Variants in TCF12 observed in about 807,000 individuals in gnomAD.
TCF12 encodes DNA-binding protein HTF4.
A neutral mutation model predicts 86.0 loss-of-function variants in TCF12; 45 were observed. That is an observed-to-expected ratio of 0.52 (90% CI 0.41 to 0.67). The LOEUF (loss-of-function observed/expected upper bound fraction) is 0.67. Ranked by LOEUF, TCF12 falls within the 30% of genes least tolerant of loss-of-function variation. The pLI is 0.00. For missense variants in TCF12, 881 were observed against 859.9 expected, an observed-to-expected ratio of 1.02 and a Z score of -0.31; for synonymous variants, 330 against 299.6, an observed-to-expected ratio of 1.10 and a Z score of -1.05.
At chr15:57,069,267 A>G (rs1229794303) in intron 4 of TCF12, among the ~76,000 whole-genome samples, 1 of 152,212 alleles carries the variant, frequency 6.6e-6, no homozygotes, top group Admixed American at 6.5e-5. Flanking sequence ...AATTACATTT[A>G]TAGGCATCAT....
intron 18 of TCF12, among the ~76,000 whole-genome samples, chr15:57,268,254 G>A (rs1447260926): frequency 6.6e-6 from 1 of 152,188 alleles, no homozygotes; most frequent in Non-Finnish European, 1.5e-5. Flanking sequence ...TTTTTCAAGT[G>A]CTCTTGGAGA....
At chr15:57,084,009 C>T (rs1212511139) in intron 4 of TCF12, among the ~76,000 whole-genome samples, 1 of 151,950 alleles carries the variant, frequency 6.6e-6, no homozygotes, top group Non-Finnish European at 1.5e-5. Flanking sequence ...AATATGTTAT[C>T]CTCTGAATGT....
intron 4 of TCF12, among the ~76,000 whole-genome samples, chr15:57,071,884 A>G (rs955032495): frequency 6.6e-6 from 1 of 152,194 alleles, no homozygotes; most frequent in African/African-American, 2.4e-5. Context: ...GAATGATGGA[A>G]ACAGTACAGT....
chr15:57,050,647 A>G (rs2067548148), intron 3 of TCF12, among the ~76,000 whole-genome samples: 1 of 152,098 alleles, frequency 6.6e-6, no homozygotes, highest in African/African-American at 2.4e-5. Context: ...TGGTACTCTC[A>G]TTACATGCAT....
chr15:57,123,477 T>A lies in TCF12; in HGVS notation c.325+31586T>A, dbSNP rs1394707359. 2.0e-5 allele frequency among the ~76,000 whole-genome samples: 3 copies of A among 152,110 alleles called. No homozygotes were observed. In the East Asian group the frequency reaches 5.8e-4, roughly 29 times the overall value. On this transcript the variant is annotated intron_variant, in intron 5 of 20. Transcript: ENST00000333725. ...TCATTTCTTCTAATTAGGTAGACAATCTCCATTTGCTGCTAAGGCAACTCT... is the reference window on the plus strand; with the variant it reads ...TCATTTCTTCTAATTAGGTAGACAAACTCCATTTGCTGCTAAGGCAACTCT...
At chr15:57,245,799 G>A (rs146283649) in intron 13 of TCF12, among the ~76,000 whole-genome samples, 56 of 152,232 alleles carry the variant, frequency 3.7e-4, no homozygotes, top group African/African-American at 1.2e-3. Flanking sequence ...ATGTAATGAA[G>A]CCTTCTTTTT....
chr15:56,934,275 T>C (rs1294467756), intron 3 of TCF12, among the ~76,000 whole-genome samples: 1 of 152,220 alleles, frequency 6.6e-6, no homozygotes, highest in Non-Finnish European at 1.5e-5. Flanking sequence ...AATAGTCTGC[T>C]TCTACTTTGT....
At chr15:56,944,729 A>T (rs1172448532) in intron 3 of TCF12, among the ~76,000 whole-genome samples, 1 of 152,150 alleles carries the variant, frequency 6.6e-6, no homozygotes, top group Non-Finnish European at 1.5e-5. Context: ...AGCAAGTCAC[A>T]CTACATTAAA....
chr15:57,008,861 G>A (rs2064646047), intron 3 of TCF12, among the ~76,000 whole-genome samples: 1 of 152,108 alleles, frequency 6.6e-6, no homozygotes, highest in African/African-American at 2.4e-5. Flanking sequence ...GTCCATGAAA[G>A]GGCCTTTGGT....
intron 11 of TCF12, among the ~76,000 whole-genome samples, chr15:57,233,273 G>A (rs1325080636): frequency 1.3e-5 from 2 of 151,738 alleles, no homozygotes; most frequent in African/African-American, 4.8e-5. Context: ...CCAAGGTTGA[G>A]GAGGTGATCC....
At chr15:57,000,271 C>T (rs879287049) in intron 3 of TCF12, among the ~76,000 whole-genome samples, 2 of 151,970 alleles carry the variant, frequency 1.3e-5, no homozygotes, top group Non-Finnish European at 2.9e-5. Flanking sequence ...GTCTCCTGGG[C>T]TGAAGCGATC....
intron 8 of TCF12, among the ~76,000 whole-genome samples, chr15:57,209,596 C>G (rs1284137490): frequency 1.3e-5 from 2 of 152,180 alleles, no homozygotes; most frequent in African/African-American, 4.8e-5. Flanking sequence ...TCATCTTTGT[C>G]TAAACCACCT....
chr15:56,918,567 A>G (rs2059604099), upstream of TCF12: 3 of 266,436 alleles, frequency 1.1e-5, 1 homozygote, highest in South Asian at 9.2e-5. Flanking sequence ...TGCCGGCCCC[A>G]CTTCCTAGGC....
intron 9 of TCF12, among the ~76,000 whole-genome samples, 189 bp downstream of exon 9, chr15:57,231,446 A>C (rs1231745215): frequency 3.3e-5 from 5 of 152,152 alleles, no homozygotes; most frequent in African/African-American, 1.2e-4. Context: ...TGAATTATCT[A>C]GCAAACCATT....
chr15:57,004,583 G>C (rs1353398823), intron 3 of TCF12, among the ~76,000 whole-genome samples: 3 of 151,968 alleles, frequency 2.0e-5, no homozygotes, highest in Non-Finnish European at 4.4e-5. Context: ...TAATTTTTTT[G>C]TATTTTTAGT....
At chr15:57,249,467 T>G (rs1382440715) in intron 13 of TCF12, among the ~76,000 whole-genome samples, 2 of 152,138 alleles carry the variant, frequency 1.3e-5, no homozygotes, top group Non-Finnish European at 2.9e-5. Flanking sequence ...TTTTAGTATT[T>G]AAAGTATATT....
In TCF12 at chr15:57,262,163, A is replaced by T. The variant is rs373746385; in HGVS notation, c.1537A>T (p.Thr513Ser). 2.9e-5 allele frequency: 47 copies of T among 1,613,700 alleles called. No individual in the cohort carries two copies. The African/African-American group carries it at 6.1e-4, about 21-fold the overall frequency. ...NHSVLSSTVT[T>S]SSTDLNHKTQ... is the part of the protein sequence containing the mutation. ...TTCAGTCCTGTCTAGTACAGTCACTACTTCAAGCACAGACCTGAACCATAA... is the reference window on the plus strand; with the variant it reads ...TTCAGTCCTGTCTAGTACAGTCACTTCTTCAAGCACAGACCTGAACCATAA... Residue 513 changes from threonine to serine, a missense_variant, in exon 17 of 21, where the codon ACT becomes TCT. Thr to Ser is a moderately conservative substitution (Grantham distance 58, BLOSUM62 1). Around this residue, in one of 3 missense-constraint regions of TCF12, gnomAD observed 766 missense variants for 718.9 expected, o/e 1.07. Transcript: ENST00000333725.
chr15:57,076,469 A>G (rs1428293970), intron 4 of TCF12, among the ~76,000 whole-genome samples: 1 of 152,062 alleles, frequency 6.6e-6, no homozygotes, highest in African/African-American at 2.4e-5. Context: ...CCTGGCTAAC[A>G]TGATGAATCC....
chr15:57,244,761 G>A (rs1236548939), intron 13 of TCF12, among the ~76,000 whole-genome samples: 2 of 151,902 alleles, frequency 1.3e-5, no homozygotes, highest in African/African-American at 2.4e-5. Context: ...ACTGCGCCCG[G>A]CCCACATGTT....
Sources: allele counts gnomAD v4.1 joint callset (sites outside exome capture counted in the v4.1 genomes callset), GRCh38; gene constraint gnomAD v4.1.1; regional missense constraint gnomAD v4.1.1; transcripts MANE v1.5; gene names NCBI Gene and HGNC (gene_info 2026-07-23, HGNC 2026-07-21).